BNC2: variants seen among roughly 807,000 people sequenced by gnomAD.
BNC2 encodes the protein basonuclin zinc finger protein 2.
Under a neutral mutation model 76.3 loss-of-function variants are expected in BNC2, and 20 were observed. That is an observed-to-expected ratio of 0.26 (90% CI 0.18 to 0.38). BNC2 has a LOEUF of 0.38. BNC2 is among the 10% of genes least tolerant of loss of function. BNC2 has a pLI of 1.00. For synonymous variants in BNC2, 582 were observed against 514.8 expected, an observed-to-expected ratio of 1.13 and a Z score of -1.77; for missense variants, 1,382 against 1,399.8, an observed-to-expected ratio of 0.99 and a Z score of 0.20.
At chr9:16,835,544 C>CA (rs1172931935) in intron 1 of BNC2, among the ~76,000 whole-genome samples, 1 of 151,408 alleles carries the variant, frequency 6.6e-6, no homozygotes, top group East Asian at 2.0e-4. Flanking sequence ...ACTAAAAATA[C>CA]AAAAAAATTA....
At chr9:16,769,597 G>A (rs1271041009) in intron 1 of BNC2, among the ~76,000 whole-genome samples, 1 of 152,178 alleles carries the variant, frequency 6.6e-6, no homozygotes, top group African/African-American at 2.4e-5. Context: ...CCACGGACCT[G>A]GGAATGAGAC....
Position 16,788,116 on chromosome 9 carries a change from T to C in BNC2, c.4-49631A>G, listed in dbSNP as rs1826347357. 2.6e-5 allele frequency among the ~76,000 whole-genome samples: 4 copies of C among 152,286 alleles called. No individual in the cohort carries two copies. The South Asian group carries it at 8.3e-4, about 32-fold the overall frequency. On this transcript the variant is annotated intron_variant, in intron 1 of 6. Transcript: ENST00000380672. ...TCTTTACAGAAGAGAATCTCCAGCC[T>C]GGATTTGTGACAACTGAACTCTCTG...
intron 4 of BNC2, among the ~76,000 whole-genome samples, chr9:16,574,478 T>A (rs973170118): frequency 1.3e-5 from 2 of 152,134 alleles, no homozygotes; most frequent in Non-Finnish European, 2.9e-5. Context: ...TGTGTTCAAA[T>A]AAGGGCTCAA....
chr9:16,830,426 C>T (rs887183057), intron 1 of BNC2, among the ~76,000 whole-genome samples: 1 of 152,178 alleles, frequency 6.6e-6, no homozygotes, highest in Non-Finnish European at 1.5e-5. Context: ...GAAATCATCC[C>T]TAGATTACTA....
chr9:16,827,321 A>G (rs1332884839), intron 1 of BNC2, among the ~76,000 whole-genome samples: 1 of 152,230 alleles, frequency 6.6e-6, no homozygotes, highest in Non-Finnish European at 1.5e-5. Flanking sequence ...ACATGTAATT[A>G]TGTGACCTTT....
At chr9:16,686,324 ACTAAG>A (rs1822977856) in intron 3 of BNC2, among the ~76,000 whole-genome samples, 1 of 152,184 alleles carries the variant, frequency 6.6e-6, no homozygotes, top group African/African-American at 2.4e-5. Flanking sequence ...CCTTTTTAAA[ACTAAG>A]CTATTATAAT....
chr9:16,772,116 T>G (rs1406846332), intron 1 of BNC2, among the ~76,000 whole-genome samples: 1 of 152,226 alleles, frequency 6.6e-6, no homozygotes, highest in African/African-American at 2.4e-5. Context: ...CCTTTATTTC[T>G]TGAAGAGTCT....
chr9:16,807,928 T>C lies in BNC2; in HGVS notation c.3+62718A>G, dbSNP rs79795171. 7.7e-3 allele frequency among the ~76,000 whole-genome samples: 1,174 copies of C among 152,220 alleles called. 19 individuals carry two copies. Among genetic ancestry groups the C allele is most frequent in the African/African-American group, 0.027 (1,103 of 41,540 alleles). Reference sequence around the variant, plus strand: ...ATATACTTTGTAGAATAAAAGAACATAGGCAAATCCTAGCATGGCTACCTA... The same window carrying C: ...ATATACTTTGTAGAATAAAAGAACACAGGCAAATCCTAGCATGGCTACCTA... On this transcript the variant is annotated intron_variant, in intron 1 of 6. Transcript: ENST00000380672.
intron 1 of BNC2, among the ~76,000 whole-genome samples, chr9:16,858,542 G>A (rs896879030): frequency 1.3e-5 from 2 of 152,152 alleles, no homozygotes; most frequent in African/African-American, 4.8e-5. Flanking sequence ...AAATGGAACT[G>A]AATCAAACTT....
At chr9:16,844,951 G>T (rs4961499) in intron 1 of BNC2, among the ~76,000 whole-genome samples, 2 of 152,078 alleles carry the variant, frequency 1.3e-5, no homozygotes, top group Admixed American at 1.3e-4. Flanking sequence ...CAGCCCCCCA[G>T]TTGAGTCATT....
intron 5 of BNC2, among the ~76,000 whole-genome samples, chr9:16,539,768 AGAAAGGAAAGGAAAG>A (rs762781150): frequency 0.026 from 1,555 of 58,876 alleles, 56 homozygotes; most frequent in African/African-American, 0.085. Flanking sequence ...GGAAAGGAAA[AGAAAGGAAAGGAAAG>A]GAAAGGAAAG....
At chr9:16,698,357 AATAAACTATG>A (rs1823400660) in intron 3 of BNC2, among the ~76,000 whole-genome samples, 1 of 152,230 alleles carries the variant, frequency 6.6e-6, no homozygotes, top group Non-Finnish European at 1.5e-5. Flanking sequence ...GAACTCATTA[AATAAACTATG>A]ATACAATGGC....
At chr9:16,729,034 T>G (rs1268877256) in intron 2 of BNC2, among the ~76,000 whole-genome samples, 2 of 152,204 alleles carry the variant, frequency 1.3e-5, no homozygotes, top group Non-Finnish European at 2.9e-5. Flanking sequence ...AACTCCATTT[T>G]TTATTCAAGA....
At chr9:16,526,642 C>T (rs1264349605) in intron 5 of BNC2, among the ~76,000 whole-genome samples, 6 of 151,964 alleles carry the variant, frequency 3.9e-5, no homozygotes, top group Non-Finnish European at 8.8e-5. Flanking sequence ...TATCTGAACC[C>T]CTGGTGCCAG....
At chr9:16,591,330 C>T (rs1247271460) in intron 3 of BNC2, among the ~76,000 whole-genome samples, 1 of 152,128 alleles carries the variant, frequency 6.6e-6, no homozygotes, top group East Asian at 1.9e-4. Flanking sequence ...AGAATATCCA[C>T]CTGTTGTACT....
intron 5 of BNC2, among the ~76,000 whole-genome samples, chr9:16,485,111 GAC>G (rs58432278): frequency 0.13 from 18,546 of 143,534 alleles, 2,633 homozygotes; most frequent in African/African-American, 0.32. Flanking sequence ...GACACACACA[GAC>G]ACACACACAC....
chr9:16,819,779 T>C (rs1324279239), intron 1 of BNC2, among the ~76,000 whole-genome samples: 1 of 152,088 alleles, frequency 6.6e-6, no homozygotes, highest in African/African-American at 2.4e-5. Context: ...GAAAATATCA[T>C]CTCATTTAAT....
At chr9:16,679,623 C>CT (rs1204009422) in intron 3 of BNC2, among the ~76,000 whole-genome samples, 1 of 152,220 alleles carries the variant, frequency 6.6e-6, no homozygotes, top group Non-Finnish European at 1.5e-5. Flanking sequence ...CCACTCTCTT[C>CT]TTTGACGGCT....
intron 6 of BNC2, among the ~76,000 whole-genome samples, chr9:16,427,175 G>A (rs1199443172): frequency 6.6e-6 from 1 of 152,210 alleles, no homozygotes; most frequent in African/African-American, 2.4e-5. Flanking sequence ...CCTTTTCCAA[G>A]GAGAGAAGAA....
Sources: gnomAD v4.1 joint callset for allele counts (sites outside exome capture counted in the v4.1 genomes callset) on GRCh38, gnomAD v4.1.1 for gene constraint, MANE v1.5 for transcripts, NCBI Gene and HGNC (gene_info 2026-07-23, HGNC 2026-07-21) for gene names.